The following FDX1 variants were observed in gnomAD, a reference collection of about 807,000 sequenced individuals.
FDX1 encodes the protein adrenodoxin, mitochondrial.
Under a neutral mutation model 14.9 loss-of-function variants are expected in FDX1, and 9 were observed. The observed-to-expected ratio is 0.60, with a 90% CI of 0.36 to 1.05. FDX1 has a LOEUF of 1.05. Among genes scored for constraint, FDX1 ranks in the 50% least tolerant of loss-of-function variants. The pLI, the probability that FDX1 is intolerant of heterozygous loss-of-function variation, is 0.01. For synonymous variants in FDX1, 92 were observed against 99.4 expected, an observed-to-expected ratio of 0.93 and a Z score of 0.44; for missense variants, 204 against 237.2, an observed-to-expected ratio of 0.86 and a Z score of 0.92.
intron 2 of FDX1, among the ~76,000 whole-genome samples, chr11:110,444,730 A>ATATATATACACG (rs1565382043): frequency 1.5e-5 from 1 of 65,956 alleles, no homozygotes; most frequent in Non-Finnish European, 2.8e-5. Context: ...ATACGTATAT[A>ATATATATACACG]TATATATATA....
rs540626941 is a variant in FDX1 at position 110,452,028 on chromosome 11, A to G, written c.311-4890A>G. Among the ~76,000 whole-genome samples, 5 of 152,036 alleles carry G rather than the reference A, an allele frequency of 3.3e-5. No homozygotes were observed. The South Asian group carries it at 8.3e-4, about 25-fold the overall frequency. On this transcript the variant is annotated intron_variant, in intron 2 of 3. Transcript: ENST00000260270. ...TGAATCAATTGGATATTCATGTGGG[A>G]AAAAAAAGGTGCATCAACCTAAACC...
At position 110,434,725 on chromosome 11, in the gene FDX1, G is replaced by GTTTTT. The variant is rs56907322; in HGVS notation, c.186-1090_186-1086dup. Among the ~76,000 whole-genome samples, 96 of 105,710 alleles carry GTTTTT rather than the reference G, an allele frequency of 9.1e-4. 1 individual carries two copies. Among genetic ancestry groups the GTTTTT allele is most frequent in the African/African-American group, 2.3e-3 (67 of 29,290 alleles). The allele number at this position is 105,710 out of a possible 152,430, so 69.3% of individuals were successfully genotyped here. ...AGAGAGCTGTGTGATGACTTTTTTT[G>GTTTTT]TTTTTTTTTTTTTTTTTTTTTTTGA... On this transcript the variant is annotated intron_variant, in intron 1 of 3. Coordinates refer to ENST00000260270, the MANE Select transcript of FDX1 (RefSeq NM_004109.5).
chr11:110,450,562 G>A (rs923292538), intron 2 of FDX1, among the ~76,000 whole-genome samples: 1 of 152,120 alleles, frequency 6.6e-6, no homozygotes, highest in Non-Finnish European at 1.5e-5. Flanking sequence ...TGTATTTTTG[G>A]TTATTTGAAA....
chr11:110,429,945 G>A, upstream of FDX1: 1 of 369,050 alleles, frequency 2.7e-6, no homozygotes, highest in Non-Finnish European at 4.7e-6. Flanking sequence ...TCACCCGGAA[G>A]GCACGCGGAA....
intron 2 of FDX1, among the ~76,000 whole-genome samples, chr11:110,443,494 G>C: frequency 7.3e-6 from 1 of 136,462 alleles, no homozygotes; most frequent in Non-Finnish European, 1.5e-5. Flanking sequence ...AGGCTGGAAT[G>C]CAATGGCACG....
chr11:110,444,725 T>C (rs1169907227), intron 2 of FDX1, among the ~76,000 whole-genome samples: 2 of 50,724 alleles, frequency 3.9e-5, no homozygotes, highest in Non-Finnish European at 7.3e-5. Context: ...TATATATACG[T>C]ATATATATAT....
intron 3 of FDX1, among the ~76,000 whole-genome samples, chr11:110,459,540 G>T (rs1191650322): frequency 7.2e-5 from 11 of 152,158 alleles, no homozygotes; most frequent in African/African-American, 2.7e-4. Context: ...GCTGTGTTGG[G>T]CCCCAAAGCC....
At position 110,444,666 on chromosome 11, in the gene FDX1, GTA is replaced by G. The variant is rs796652673; in HGVS notation, c.310+8725_310+8726del. Among the ~76,000 whole-genome samples, 402 of 42,568 alleles carry G rather than the reference GTA, an allele frequency of 9.4e-3. 12 individuals are homozygous for G. Among genetic ancestry groups the G allele is most frequent in the African/African-American group, 0.01 (72 of 6,960 alleles). 27.9% of individuals were successfully genotyped at this position (42,568 alleles called of 152,430 possible). On this transcript the variant is annotated intron_variant, in intron 2 of 3. Transcript: ENST00000260270. ...TGTGTGTGTGTATATATATATATACGTATATATATATATATATACACGTATAT... is the reference window on the plus strand; with the variant it reads ...TGTGTGTGTGTATATATATATATACGTATATATATATATATACACGTATAT...
chr11:110,444,978 A>G (rs1378780756), intron 2 of FDX1, among the ~76,000 whole-genome samples: 1 of 151,742 alleles, frequency 6.6e-6, no homozygotes, highest in Non-Finnish European at 1.5e-5. Flanking sequence ...TCTACCCTGC[A>G]TCAATTCTAT....
intron 2 of FDX1, among the ~76,000 whole-genome samples, chr11:110,436,972 G>A (rs1353249201): frequency 6.6e-6 from 1 of 152,054 alleles, no homozygotes; most frequent in East Asian, 1.9e-4. Context: ...TCCAGAGTTG[G>A]CACTCAATAA....
intron 2 of FDX1, among the ~76,000 whole-genome samples, chr11:110,437,873 T>C (rs147911194): frequency 6.9e-4 from 105 of 152,362 alleles, no homozygotes; most frequent in African/African-American, 2.4e-3. Context: ...CTTGCACTTA[T>C]AAGTGAGAAC....
chr11:110,460,354 C>T (rs565576811), intron 3 of FDX1, among the ~76,000 whole-genome samples: 9 of 152,332 alleles, frequency 5.9e-5, no homozygotes, highest in South Asian at 4.1e-4. Context: ...TGGCTCTGGC[C>T]GCTTTTCTGG....
chr11:110,442,921 T>C (rs1247036268), intron 2 of FDX1, among the ~76,000 whole-genome samples: 2 of 152,114 alleles, frequency 1.3e-5, no homozygotes, highest in African/African-American at 4.8e-5. Context: ...GTCTTTCCCA[T>C]GCTGTTCTCC....
chr11:110,431,113 CAGCAGCAG>C (rs1946328372), intron 1 of FDX1, among the ~76,000 whole-genome samples: 1 of 151,320 alleles, frequency 6.6e-6, no homozygotes, highest in East Asian at 1.9e-4. Flanking sequence ...GCAGCAGCAG[CAGCAGCAG>C]CAGCAGCAGC....
chr11:110,452,879 T>TA (rs1301351969), intron 2 of FDX1, among the ~76,000 whole-genome samples: 2 of 152,198 alleles, frequency 1.3e-5, no homozygotes, highest in African/African-American at 4.8e-5. Flanking sequence ...TGGAAAAGAC[T>TA]AAACCACAGT....
intron 1 of FDX1, among the ~76,000 whole-genome samples, chr11:110,435,431 G>A (rs373428927): frequency 5.3e-5 from 8 of 152,200 alleles, no homozygotes; most frequent in African/African-American, 1.9e-4. Flanking sequence ...GACATATACT[G>A]AGGCCACCAG....
At chr11:110,448,048 T>C (rs1464746356) in intron 2 of FDX1, among the ~76,000 whole-genome samples, 2 of 152,214 alleles carry the variant, frequency 1.3e-5, no homozygotes, top group Non-Finnish European at 2.9e-5. Context: ...CCAACTTTTA[T>C]ATTAATATAG....
intron 2 of FDX1, among the ~76,000 whole-genome samples, chr11:110,453,819 A>G (rs1000758763): frequency 5.3e-5 from 8 of 152,212 alleles, no homozygotes; most frequent in African/African-American, 1.7e-4. Flanking sequence ...CCCTTGGTAC[A>G]GATCGTTTCT....
At chr11:110,439,236 C>A (rs916173238) in intron 2 of FDX1, among the ~76,000 whole-genome samples, 4 of 151,726 alleles carry the variant, frequency 2.6e-5, no homozygotes, top group Non-Finnish European at 4.4e-5. Context: ...GAGACGGAGT[C>A]TCACTCTGTT....
Sources: gnomAD v4.1 joint callset for allele counts (sites outside exome capture counted in the v4.1 genomes callset) on GRCh38, gnomAD v4.1.1 for gene constraint, MANE v1.5 for transcripts, NCBI Gene and HGNC (gene_info 2026-07-23, HGNC 2026-07-21) for gene names.